EXOC4: variants seen among roughly 807,000 people sequenced by gnomAD.
The protein encoded by EXOC4 is exocyst complex component 4, also known as SEC8-like 1.
EXOC4 carries 71 observed loss-of-function variants against 107.2 expected under a neutral mutation model. That is an observed-to-expected ratio of 0.66 (90% CI 0.55 to 0.81). EXOC4 has a LOEUF of 0.81. Ranked by LOEUF, EXOC4 falls within the 30% of genes least tolerant of loss-of-function variation. The pLI is 0.00. For missense variants in EXOC4, 1,108 were observed against 1,189.6 expected, an observed-to-expected ratio of 0.93 and a Z score of 1.01; for synonymous variants, 456 against 441.2, an observed-to-expected ratio of 1.03 and a Z score of -0.42.
intron 9 of EXOC4, chr7:133,484,245 T>TA (rs1317539165): frequency 7.3e-7 from 1 of 1,368,368 alleles, no homozygotes; most frequent in Admixed American, 2.7e-5. Context: ...CTCTAACTGT[T>TA]ATGGTACAGA....
chr7:133,726,125 T>C (rs1795209910), intron 10 of EXOC4, among the ~76,000 whole-genome samples: 1 of 152,128 alleles, frequency 6.6e-6, no homozygotes, highest in Non-Finnish European at 1.5e-5. Context: ...TTGATAGTTA[T>C]AAAAAATGGT....
At chr7:133,401,188 T>A (rs1797081231) in intron 7 of EXOC4, among the ~76,000 whole-genome samples, 1 of 151,954 alleles carries the variant, frequency 6.6e-6, no homozygotes, top group African/African-American at 2.4e-5. Flanking sequence ...TTTTTTTTTT[T>A]TAAACTTGGC....
intron 9 of EXOC4, among the ~76,000 whole-genome samples, chr7:133,581,276 CTGT>C (rs747800125): frequency 1.3e-5 from 2 of 152,184 alleles, no homozygotes; most frequent in African/African-American, 4.8e-5. Flanking sequence ...AAGACTTCTA[CTGT>C]TGTTAGGAAC....
At chr7:133,490,041 G>A (rs1443008929) in intron 9 of EXOC4, among the ~76,000 whole-genome samples, 1 of 152,166 alleles carries the variant, frequency 6.6e-6, no homozygotes, top group Non-Finnish European at 1.5e-5. Context: ...TCCCAGCCCA[G>A]CCTGTGTGTG....
At chr7:133,663,124 T>G (rs945114669) in intron 10 of EXOC4, among the ~76,000 whole-genome samples, 3 of 152,194 alleles carry the variant, frequency 2.0e-5, no homozygotes, top group Non-Finnish European at 4.4e-5. Context: ...CCAGCTATTC[T>G]GACTTGTTGC....
At chr7:134,042,890 A>C (rs1795552445) in intron 17 of EXOC4, among the ~76,000 whole-genome samples, 2 of 152,196 alleles carry the variant, frequency 1.3e-5, no homozygotes, top group African/African-American at 4.8e-5. Flanking sequence ...TGCAAAAATT[A>C]GCTGGCCGTG....
chr7:133,576,687 G>A (rs1471265920), intron 9 of EXOC4: 60 of 1,289,606 alleles, frequency 4.7e-5, no homozygotes, highest in Non-Finnish European at 5.8e-5. Flanking sequence ...AATGGGAGCC[G>A]TGAAACCATC....
intron 10 of EXOC4, chr7:133,732,410 A>G (rs11763958): frequency 0.34 from 52,417 of 152,198 alleles, 9,178 homozygotes; most frequent in South Asian, 0.46. Flanking sequence ...CATGGCACAC[A>G]TTTACCTATG....
At chr7:134,068,092 G>A (rs1585368750), downstream of EXOC4, among the ~76,000 whole-genome samples, 1 of 152,136 alleles carries the variant, frequency 6.6e-6, no homozygotes, top group East Asian at 1.9e-4. Flanking sequence ...GTAAGACCAG[G>A]CCTGAGCTGC....
At chr7:133,612,914 G>A (rs996630272) in intron 9 of EXOC4, among the ~76,000 whole-genome samples, 1 of 152,114 alleles carries the variant, frequency 6.6e-6, no homozygotes, top group African/African-American at 2.4e-5. Flanking sequence ...GTACATGGTT[G>A]GTACTTCATA....
intron 9 of EXOC4, among the ~76,000 whole-genome samples, chr7:133,495,709 A>G (rs887077210): frequency 9.2e-5 from 14 of 152,186 alleles, no homozygotes; most frequent in African/African-American, 3.4e-4. Context: ...CTATAGGACA[A>G]TTCATTCATT....
At chr7:134,053,217 G>A (rs375326325) in intron 17 of EXOC4, among the ~76,000 whole-genome samples, 13 of 147,346 alleles carry the variant, frequency 8.8e-5, no homozygotes, top group East Asian at 8.0e-4. Flanking sequence ...CAGCCTGGAC[G>A]ACAGAGCGAA....
intron 12 of EXOC4, among the ~76,000 whole-genome samples, chr7:133,900,766 A>G (rs538896383): frequency 1.2e-4 from 19 of 152,362 alleles, no homozygotes; most frequent in South Asian, 6.2e-4. Context: ...GATTGGCTAT[A>G]GAAGAAGAAA....
intron 10 of EXOC4, among the ~76,000 whole-genome samples, chr7:133,691,858 C>T (rs1212252414): frequency 6.6e-6 from 1 of 152,144 alleles, no homozygotes; most frequent in African/African-American, 2.4e-5. Flanking sequence ...AGCCAGTGTG[C>T]TTAAAATAAG....
At chr7:133,866,366 T>C (rs933140620) in intron 11 of EXOC4, among the ~76,000 whole-genome samples, 1 of 151,988 alleles carries the variant, frequency 6.6e-6, no homozygotes, top group African/African-American at 2.4e-5. Context: ...CTGGGCCTTG[T>C]GTGTCTCAAG....
intron 7 of EXOC4, among the ~76,000 whole-genome samples, chr7:133,436,203 G>A (rs1291411747): frequency 1.3e-5 from 2 of 152,074 alleles, no homozygotes; most frequent in African/African-American, 4.8e-5. Flanking sequence ...ACCCAGAGTG[G>A]CGTGGGCCTT....
chr7:133,392,088 C>A (rs555551953), intron 7 of EXOC4, among the ~76,000 whole-genome samples: 4 of 152,186 alleles, frequency 2.6e-5, no homozygotes, highest in African/African-American at 9.7e-5. Context: ...TGAGAACTAT[C>A]GGACCATAGG....
intron 7 of EXOC4, among the ~76,000 whole-genome samples, chr7:133,394,956 A>T (rs890692120): frequency 6.6e-6 from 1 of 152,026 alleles, no homozygotes; most frequent in African/African-American, 2.4e-5. Flanking sequence ...ATATGAAATT[A>T]AAATTGCTGT....
intron 11 of EXOC4, among the ~76,000 whole-genome samples, chr7:133,878,915 G>A (rs1026473376): frequency 4.5e-4 from 69 of 151,916 alleles, no homozygotes; most frequent in Non-Finnish European, 2.5e-4. Context: ...AGTAGAGATG[G>A]GGTTTCATCA....
Sources: gnomAD v4.1 joint callset for allele counts (sites outside exome capture counted in the v4.1 genomes callset) on GRCh38, gnomAD v4.1.1 for gene constraint, MANE v1.5 for transcripts, NCBI Gene and HGNC (gene_info 2026-07-23, HGNC 2026-07-21) for gene names.